Variants in CSMD2 observed in about 807,000 individuals in gnomAD.
The protein encoded by CSMD2 is CUB and sushi domain-containing protein 2.
In CSMD2, 130 loss-of-function variants were observed where a neutral mutation model predicts 398.5. That is an observed-to-expected ratio of 0.33 (90% CI 0.28 to 0.38). The LOEUF (loss-of-function observed/expected upper bound fraction) is 0.38. CSMD2 is among the 10% of genes least tolerant of loss of function. The pLI is 1.00. For synonymous variants in CSMD2, 1,828 were observed against 1,908.5 expected, an observed-to-expected ratio of 0.96 and a Z score of 1.10; for missense variants, 3,829 against 4,764.9, an observed-to-expected ratio of 0.80 and a Z score of 5.78.
intron 13 of CSMD2, among the ~76,000 whole-genome samples, chr1:33,768,536 A>ATATGTGTG (rs1491514786): frequency 1.4e-5 from 2 of 142,158 alleles, no homozygotes; most frequent in Middle Eastern, 3.3e-3. Context: ...GTGTGCGTGC[A>ATATGTGTG]TGTGTGTGTG....
At chr1:33,583,566 A>C in intron 47 of CSMD2, 76 bp downstream of exon 47, 1 of 1,430,074 alleles carries the variant, frequency 7.0e-7, no homozygotes. Context: ...GGAAAACTGC[A>C]GCACAGACTC....
intron 15 of CSMD2, among the ~76,000 whole-genome samples, chr1:33,730,976 G>A (rs564773706): frequency 1.3e-5 from 2 of 152,192 alleles, no homozygotes; most frequent in African/African-American, 4.8e-5. Flanking sequence ...AAGGAACCAG[G>A]GTTTCTAGGA....
At chr1:33,770,489 A>G (rs1651112706) in intron 13 of CSMD2, among the ~76,000 whole-genome samples, 1 of 152,224 alleles carries the variant, frequency 6.6e-6, no homozygotes, top group Non-Finnish European at 1.5e-5. Flanking sequence ...CTTTGTTGAA[A>G]TGCAAGGGTG....
chr1:33,642,979 G>T (rs1289978315), intron 29 of CSMD2, among the ~76,000 whole-genome samples: 1 of 152,188 alleles, frequency 6.6e-6, no homozygotes, highest in Admixed American at 6.5e-5. Flanking sequence ...ACTGAGTCCA[G>T]CAACATCTCT....
intron 53 of CSMD2, among the ~76,000 whole-genome samples, chr1:33,561,960 G>A (rs148083053): frequency 6.6e-6 from 1 of 152,228 alleles, no homozygotes; most frequent in East Asian, 1.9e-4. Context: ...AGAGAGAGAA[G>A]AATGTTGAGG....
At chr1:33,850,602 T>C (rs1344802575) in intron 5 of CSMD2, among the ~76,000 whole-genome samples, 1 of 152,198 alleles carries the variant, frequency 6.6e-6, no homozygotes, top group African/African-American at 2.4e-5. Context: ...AGAATCATAA[T>C]TAAAGGAGAG....
In CSMD2 at chr1:34,106,335, C is replaced by T. The variant is rs144610773; in HGVS notation, c.188-17142G>A. Among the ~76,000 whole-genome samples, 49 of 152,304 alleles carry T rather than the reference C, an allele frequency of 3.2e-4. No individual in the cohort carries two copies. In the South Asian group the frequency reaches 5.8e-3, roughly 18 times the overall value. On this transcript the variant is annotated intron_variant, in intron 1 of 70. Transcript: ENST00000373381. ...AAGGGGCCAACATTTCTGTGGTTCA[C>T]TAACATTATCTCTCTAACATTTGCA...
At chr1:33,942,312 T>C (rs1490335162) in intron 3 of CSMD2, among the ~76,000 whole-genome samples, 1 of 152,240 alleles carries the variant, frequency 6.6e-6, no homozygotes, top group Non-Finnish European at 1.5e-5. Flanking sequence ...GTGACTACTG[T>C]ACCTTGAAAC....
chr1:33,896,959 G>C (rs1642430403), intron 5 of CSMD2, among the ~76,000 whole-genome samples: 1 of 152,004 alleles, frequency 6.6e-6, no homozygotes, highest in African/African-American at 2.4e-5. Context: ...GGCTGGGGAA[G>C]GGAATAAGAG....
chr1:34,039,009 CTAAT>C (rs970508959), intron 2 of CSMD2, among the ~76,000 whole-genome samples: 3 of 152,140 alleles, frequency 2.0e-5, no homozygotes, highest in Non-Finnish European at 2.9e-5. Context: ...TGGGATTTGT[CTAAT>C]TAACTCTTTC....
chr1:33,939,672 C>T (rs1343318532), intron 3 of CSMD2, among the ~76,000 whole-genome samples: 2 of 152,184 alleles, frequency 1.3e-5, no homozygotes, highest in Non-Finnish European at 2.9e-5. Flanking sequence ...AAGCTCACTG[C>T]TCTTTACTTA....
chr1:33,582,722 T>C (rs1638813063), intron 47 of CSMD2, among the ~76,000 whole-genome samples: 1 of 152,118 alleles, frequency 6.6e-6, no homozygotes, highest in East Asian at 1.9e-4. Context: ...AGGAGTGGTG[T>C]ATGAAGGGTG....
intron 56 of CSMD2, among the ~76,000 whole-genome samples, chr1:33,549,534 C>A (rs1175082425): frequency 6.6e-6 from 1 of 152,194 alleles, no homozygotes; most frequent in African/African-American, 2.4e-5. Context: ...GGACATAGGA[C>A]CTTTGGCAGT....
intron 28 of CSMD2, among the ~76,000 whole-genome samples, chr1:33,651,597 T>C (rs935014312): frequency 4.6e-5 from 7 of 151,970 alleles, no homozygotes; most frequent in Non-Finnish European, 8.8e-5. Context: ...AAGAAGATGG[T>C]TTAACAAGAG....
At chr1:33,746,839 C>A (rs561804986) in intron 13 of CSMD2, among the ~76,000 whole-genome samples, 1 of 152,182 alleles carries the variant, frequency 6.6e-6, no homozygotes, top group Non-Finnish European at 1.5e-5. Context: ...TCTCATAACC[C>A]CATCCCACTC....
chr1:33,666,955 G>C (rs1644338215), intron 25 of CSMD2, among the ~76,000 whole-genome samples: 1 of 152,188 alleles, frequency 6.6e-6, no homozygotes, highest in Non-Finnish European at 1.5e-5. Context: ...GGCGTGAAAG[G>C]AGAGTGCTTT....
intron 5 of CSMD2, among the ~76,000 whole-genome samples, chr1:33,886,920 T>C (rs761098246): frequency 3.9e-5 from 6 of 152,096 alleles, no homozygotes; most frequent in Non-Finnish European, 8.8e-5. Flanking sequence ...GCCTTCAGCA[T>C]GACTGAAGAA....
At position 33,567,830 on chromosome 1, in the gene CSMD2, T is replaced by C. The variant is rs535824849; in HGVS notation, c.8143A>G (p.Lys2715Glu). 4 of 1,581,204 alleles carry C rather than the reference T, an allele frequency of 2.5e-6. No homozygotes were observed. The highest frequency in any genetic ancestry group is 3.4e-6 in the Non-Finnish European group (4 of 1,163,064). Residue 2715 changes from lysine to glutamate, a missense_variant, in exon 53 of 71, where the codon AAG becomes GAG. Around this residue, in one of 5 missense-constraint regions of CSMD2, gnomAD observed 723 missense variants for 758.6 expected, o/e 0.95. Transcript: ENST00000373381. ...AGCTTATAGAAAATGGAGTGGAGCT[T>C]GGTCTGAGTGGCTAGAGACAGGGAT... Reference protein sequence around the residue: ...SEVRCLATQTKLHSIFYKLLF... With the variant: ...SEVRCLATQTELHSIFYKLLF...
intron 25 of CSMD2, among the ~76,000 whole-genome samples, chr1:33,670,593 A>T (rs1163086007): frequency 6.6e-6 from 1 of 152,230 alleles, no homozygotes; most frequent in Non-Finnish European, 1.5e-5. Context: ...GAATCTAGCC[A>T]CACAGAACCT....
Sources: gnomAD v4.1 joint callset for allele counts (sites outside exome capture counted in the v4.1 genomes callset) on GRCh38, gnomAD v4.1.1 for gene constraint, gnomAD v4.1.1 regional missense constraint, MANE v1.5 for transcripts, NCBI Gene and HGNC (gene_info 2026-07-23, HGNC 2026-07-21) for gene names.